Variants in A1CF observed in about 807,000 individuals in gnomAD.
A1CF encodes the protein APOBEC1 complementation factor.
In A1CF, 48 loss-of-function variants were observed where a neutral mutation model predicts 68.9. The ratio of observed to expected loss-of-function variants is 0.70; its 90% CI spans 0.55 to 0.89. The LOEUF (loss-of-function observed/expected upper bound fraction) is 0.89, where lower values mean the gene tolerates loss of function less well. Ranked by LOEUF, A1CF falls within the 40% of genes least tolerant of loss-of-function variation. A1CF has a pLI of 0.00. For synonymous variants in A1CF, 272 were observed against 260.4 expected (o/e 1.04, Z -0.43); for missense variants, 653 against 718.9 (o/e 0.91, Z 1.05).
rs1199386812 is a variant in A1CF at position 50,806,795 on chromosome 10, A to G, written c.1695T>C (p.Tyr565=). The part of the protein sequence containing the change: ...AVTLGQDLAA[Y]TTYEVYPTFA... ...AAGTTGGGTAGACCTCATAGGTTGT[A>G]TATGCTGCTAAGTCTTGTCCAAGGG... Residue 565 remains tyrosine (Y), a synonymous_variant, in exon 13 of 13, where the codon TAT becomes TAC. Coordinates refer to ENST00000373997, the MANE Select transcript of A1CF (RefSeq NM_014576.4). 12 of 1,613,594 alleles carry G rather than the reference A, an allele frequency of 7.4e-6. No individual in the cohort carries two copies. Among genetic ancestry groups the G allele is most frequent in the African/African-American group, 1.3e-5 (1 of 74,958 alleles).
intron 6 of A1CF, among the ~76,000 whole-genome samples, chr10:50,833,677 C>A (rs1238343342): frequency 1.3e-5 from 2 of 152,152 alleles, no homozygotes; most frequent in Non-Finnish European, 2.9e-5. Flanking sequence ...AAAGGGTTGG[C>A]AATTAAAGAA....
rs576155440 is a variant in A1CF, at chr10:50,875,458, G to C, written c.-94+10123C>G. Among the ~76,000 whole-genome samples the C allele has an allele frequency of 4.6e-5, 7 of 152,314 alleles. No individual in the cohort carries two copies. In the East Asian group the frequency reaches 1.4e-3, roughly 29 times the overall value. ...AGCTGTGGGGTAGAGAAAGGACAGA[G>C]AGCAAGGAAATCTCTTAGGAGAAAG... is the stretch of plus-strand genomic sequence containing the variant. On this transcript the variant is annotated intron_variant, in intron 1 of 12. Transcript: ENST00000373997.
At chr10:50,883,238 G>A (rs551537441) in intron 1 of A1CF, among the ~76,000 whole-genome samples, 1 of 152,240 alleles carries the variant, frequency 6.6e-6, no homozygotes, top group African/African-American at 2.4e-5. Flanking sequence ...GGGAAGTGGG[G>A]TTTTTGCTGA....
chr10:50,834,979 G>T (rs1000804551), intron 6 of A1CF, among the ~76,000 whole-genome samples: 73 of 152,176 alleles, frequency 4.8e-4, no homozygotes, highest in Admixed American at 7.2e-4. Context: ...TCACCAAAAG[G>T]TATGCCCCCA....
chr10:50,862,090 G>A (rs1385117701), intron 2 of A1CF, among the ~76,000 whole-genome samples: 1 of 152,004 alleles, frequency 6.6e-6, no homozygotes, highest in Non-Finnish European at 1.5e-5. Context: ...TTTTGGCCAG[G>A]TGCAGTGGCT....
chr10:50,884,909 G>T (rs1366553289), intron 1 of A1CF, among the ~76,000 whole-genome samples: 1 of 152,114 alleles, frequency 6.6e-6, no homozygotes, highest in African/African-American at 2.4e-5. Flanking sequence ...ATCCACCTCA[G>T]CACAGTTGCC....
At chr10:50,881,506 T>C (rs1201393940) in intron 1 of A1CF, among the ~76,000 whole-genome samples, 1 of 152,236 alleles carries the variant, frequency 6.6e-6, no homozygotes, top group African/African-American at 2.4e-5. Flanking sequence ...CCATTAAAAA[T>C]CTTTATAAGT....
intron 3 of A1CF, among the ~76,000 whole-genome samples, chr10:50,857,264 G>A (rs1194242966): frequency 6.6e-6 from 1 of 152,058 alleles, no homozygotes; most frequent in Non-Finnish European, 1.5e-5. Context: ...ATCAAATCAG[G>A]GTAATTAGGA....
intron 3 of A1CF, 114 bp from the exon 4 acceptor site, chr10:50,844,236 A>G: frequency 6.9e-7 from 1 of 1,439,818 alleles, no homozygotes; most frequent in Non-Finnish European, 9.5e-7. Flanking sequence ...TATCATTGAC[A>G]AGTAATAATA....
chr10:50,874,434 A>C (rs1841411628), intron 1 of A1CF, among the ~76,000 whole-genome samples: 1 of 152,210 alleles, frequency 6.6e-6, no homozygotes, highest in South Asian at 2.1e-4. Flanking sequence ...TGCCCTTTAA[A>C]TATCAATGAG....
At chr10:50,813,816 G>T in intron 10 of A1CF, 41 bp downstream of exon 10, 1 of 1,589,556 alleles carries the variant, frequency 6.3e-7, no homozygotes, top group Non-Finnish European at 8.6e-7. Flanking sequence ...ATGCTCATTG[G>T]CACAACTTAA....
chr10:50,816,888 C>T (rs1838399303), intron 8 of A1CF, among the ~76,000 whole-genome samples: 1 of 152,164 alleles, frequency 6.6e-6, no homozygotes, highest in South Asian at 2.1e-4. Context: ...GAGGCTGTTG[C>T]ATTGCCTGCC....
intron 1 of A1CF, among the ~76,000 whole-genome samples, chr10:50,873,226 G>A (rs1306429173): frequency 1.3e-5 from 2 of 152,012 alleles, no homozygotes; most frequent in South Asian, 2.1e-4. Context: ...AAAATGCTGG[G>A]ATTATAGGTG....
chr10:50,828,974 G>A (rs1376399080), intron 6 of A1CF, among the ~76,000 whole-genome samples: 1 of 152,152 alleles, frequency 6.6e-6, no homozygotes, highest in Non-Finnish European at 1.5e-5. Flanking sequence ...AGTCTATAAT[G>A]AGAATTTTAA....
In A1CF at chr10:50,806,695, TG is replaced by T; in HGVS notation, c.*33del. 1.3e-6 allele frequency: 2 copies of T among 1,541,844 alleles called. No homozygotes were observed. The highest frequency in any genetic ancestry group is 1.7e-6 in the Non-Finnish European group (2 of 1,147,130). ...TTCTTTTTTTTTTTTAATAGAGTTT[TG>T]TGTGTCTTATTCTTAAATTTAAAAA... On this transcript the variant is annotated 3_prime_UTR_variant, in exon 13 of 13. Coordinates refer to ENST00000373997, the MANE Select transcript of A1CF (RefSeq NM_014576.4).
intron 1 of A1CF, among the ~76,000 whole-genome samples, chr10:50,868,872 G>T (rs919903634): frequency 7.9e-5 from 12 of 152,134 alleles, no homozygotes; most frequent in African/African-American, 2.9e-4. Flanking sequence ...GGAACCTGCT[G>T]CAGAGGAGGA....
At chr10:50,871,621 C>A (rs1240731913) in intron 1 of A1CF, among the ~76,000 whole-genome samples, 2 of 151,742 alleles carry the variant, frequency 1.3e-5, no homozygotes, top group African/African-American at 4.8e-5. Context: ...AATAGAGAAC[C>A]AGATTAATGG....
At position 50,869,556 on chromosome 10, in the gene A1CF, T is replaced by C. The variant is rs573941939; in HGVS notation, c.-93-5476A>G. On this transcript the variant is annotated intron_variant, in intron 1 of 12. Coordinates refer to ENST00000373997, the MANE Select transcript of A1CF (RefSeq NM_014576.4). The stretch of plus-strand genomic sequence containing the variant: ...GTTAAGGTCCTAAGACTGTTCATGT[T>C]TGTCACCTCTCATAGAATATATTAG... Among the ~76,000 whole-genome samples, 3 of 152,274 alleles carry C rather than the reference T, an allele frequency of 2.0e-5. No homozygotes were observed. The South Asian group carries it at 6.2e-4, about 32-fold the overall frequency.
At chr10:50,835,575 G>C (rs1377129153) in intron 6 of A1CF, among the ~76,000 whole-genome samples, 1 of 152,102 alleles carries the variant, frequency 6.6e-6, no homozygotes, top group Admixed American at 6.6e-5. Flanking sequence ...AACAAATAAA[G>C]GTGGCTTTCT....
Sources: allele counts gnomAD v4.1 joint callset (sites outside exome capture counted in the v4.1 genomes callset), GRCh38; gene constraint gnomAD v4.1.1; transcripts MANE v1.5; gene names NCBI Gene and HGNC (gene_info 2026-07-23, HGNC 2026-07-21).